Variants in SGCD observed in about 807,000 individuals in gnomAD.
SGCD encodes the protein delta-sarcoglycan.
In SGCD, 18 loss-of-function variants were observed where a neutral mutation model predicts 36.6. The observed-to-expected ratio is 0.49, with a 90% CI of 0.34 to 0.73. The LOEUF (loss-of-function observed/expected upper bound fraction) is 0.73, where lower values mean the gene tolerates loss of function less well. Among genes scored for constraint, SGCD ranks in the 30% least tolerant of loss-of-function variants. The probability of loss-of-function intolerance (pLI) is 0.01; values close to 1 mark genes in which losing one functional copy is unlikely to be tolerated. For missense variants in SGCD, 387 were observed against 346.7 expected, an observed-to-expected ratio of 1.12 and a Z score of -0.92; for synonymous variants, 133 against 130.6, an observed-to-expected ratio of 1.02 and a Z score of -0.12.
At chr5:156,626,668 A>T (rs1421693780) in intron 6 of SGCD, among the ~76,000 whole-genome samples, 1 of 152,180 alleles carries the variant, frequency 6.6e-6, no homozygotes, top group East Asian at 1.9e-4. Context: ...TTATAGTTGA[A>T]GTAGACTTCA....
At chr5:156,267,059 A>G (rs1475770170) in intron 3 of SGCD, among the ~76,000 whole-genome samples, 2 of 152,206 alleles carry the variant, frequency 1.3e-5, no homozygotes, top group Non-Finnish European at 2.9e-5. Flanking sequence ...CTGTCACTAT[A>G]TGTGCAACCT....
chr5:156,155,541 C>G (rs927345252), intron 3 of SGCD, among the ~76,000 whole-genome samples: 1 of 147,366 alleles, frequency 6.8e-6, no homozygotes, highest in Non-Finnish European at 1.5e-5. Context: ...CACAACCTTT[C>G]TTTTTAGTGG....
In SGCD at chr5:156,434,750, G is replaced by A. The variant is rs138905196; in HGVS notation, c.193-73851G>A. On this transcript the variant is annotated intron_variant, in intron 3 of 8. Transcript: ENST00000337851. The stretch of plus-strand genomic sequence containing the variant: ...CAGTGATTGGTCACAAACATGCACC[G>A]GTGAGCAGTAATGAAGTTGCTACCA... Among the ~76,000 whole-genome samples the A allele has an allele frequency of 1.1e-4, 16 of 152,256 alleles. No homozygotes were observed. The East Asian group carries it at 1.9e-3, about 18-fold the overall frequency.
chr5:156,219,504 A>T (rs1301468726), intron 3 of SGCD, among the ~76,000 whole-genome samples: 2 of 146,056 alleles, frequency 1.4e-5, no homozygotes, highest in African/African-American at 5.6e-5. Flanking sequence ...TCTGAATCTG[A>T]TATTTTTGCA....
chr5:155,880,023 T>C (rs761389648), intron 1 of SGCD, among the ~76,000 whole-genome samples: 8 of 152,184 alleles, frequency 5.3e-5, no homozygotes, highest in Non-Finnish European at 8.8e-5. Flanking sequence ...CATATTTGTC[T>C]AGTGACTAAA....
chr5:156,420,667 A>G (rs1345827260), intron 3 of SGCD, among the ~76,000 whole-genome samples: 1 of 152,086 alleles, frequency 6.6e-6, no homozygotes, highest in Non-Finnish European at 1.5e-5. Flanking sequence ...TGCTGAGATA[A>G]GATATCAATG....
At chr5:156,515,042 C>T (rs1271071186) in intron 4 of SGCD, among the ~76,000 whole-genome samples, 1 of 152,022 alleles carries the variant, frequency 6.6e-6, no homozygotes, top group African/African-American at 2.4e-5. Context: ...GTCTTGCAAC[C>T]TCTGCTTGGA....
intron 3 of SGCD, among the ~76,000 whole-genome samples, chr5:156,421,610 G>T (rs950095599): frequency 6.6e-6 from 1 of 151,942 alleles, no homozygotes; most frequent in African/African-American, 2.4e-5. Context: ...TTTCAGAGGG[G>T]GAGAATGGGT....
intron 7 of SGCD, among the ~76,000 whole-genome samples, chr5:156,720,388 C>G (rs1053584598): frequency 1.3e-5 from 2 of 152,094 alleles, no homozygotes; most frequent in Non-Finnish European, 2.9e-5. Context: ...TAAGCATACA[C>G]CTGAAGGGAC....
intron 1 of SGCD, among the ~76,000 whole-genome samples, chr5:155,903,606 T>A (rs1462370932): frequency 6.6e-6 from 1 of 152,176 alleles, no homozygotes; most frequent in Non-Finnish European, 1.5e-5. Context: ...CTGACTGGCA[T>A]GGACAACACA....
At chr5:156,486,223 T>C (rs1755651495) in intron 3 of SGCD, among the ~76,000 whole-genome samples, 1 of 151,878 alleles carries the variant, frequency 6.6e-6, no homozygotes, top group African/African-American at 2.4e-5. Flanking sequence ...TGGGTGGACA[T>C]GAGGAGCTAG....
chr5:156,439,061 C>T (rs927773687), intron 3 of SGCD, among the ~76,000 whole-genome samples: 1 of 152,038 alleles, frequency 6.6e-6, no homozygotes, highest in African/African-American at 2.4e-5. Flanking sequence ...CCACTCCAAA[C>T]CACTGGGCTC....
chr5:155,941,363 A>G (rs961321659), intron 1 of SGCD, among the ~76,000 whole-genome samples: 1 of 152,200 alleles, frequency 6.6e-6, no homozygotes, highest in African/African-American at 2.4e-5. Context: ...CCCAGTAAGT[A>G]GGCACATTTT....
intron 6 of SGCD, among the ~76,000 whole-genome samples, chr5:156,619,754 T>C (rs763140619): frequency 2.6e-5 from 4 of 152,170 alleles, no homozygotes; most frequent in Non-Finnish European, 5.9e-5. Flanking sequence ...GGGAAGGAAA[T>C]TAACTTTGTT....
chr5:155,902,439 C>G (rs1756411623), intron 1 of SGCD, among the ~76,000 whole-genome samples: 1 of 152,140 alleles, frequency 6.6e-6, no homozygotes, highest in African/African-American at 2.4e-5. Context: ...CAATTATGGT[C>G]ATCAACTACT....
At chr5:156,278,838 G>A (rs1320194524) in intron 3 of SGCD, among the ~76,000 whole-genome samples, 1 of 152,102 alleles carries the variant, frequency 6.6e-6, no homozygotes, top group East Asian at 1.9e-4. Context: ...TTTTGCATTT[G>A]GAAAAATGGC....
At chr5:156,031,239 C>G (rs1054690314) in intron 1 of SGCD, among the ~76,000 whole-genome samples, 2 of 152,214 alleles carry the variant, frequency 1.3e-5, no homozygotes, top group Admixed American at 6.5e-5. Flanking sequence ...GCATTTCTAA[C>G]AAGTTCTCAG....
chr5:156,612,775 CAGT>C (rs1761875214), intron 6 of SGCD, among the ~76,000 whole-genome samples: 1 of 152,196 alleles, frequency 6.6e-6, no homozygotes, highest in Non-Finnish European at 1.5e-5. Flanking sequence ...TGTACTCTAG[CAGT>C]TGATCCATTG....
intron 1 of SGCD, among the ~76,000 whole-genome samples, chr5:155,987,571 G>C (rs1758355410): frequency 6.6e-6 from 1 of 152,112 alleles, no homozygotes; most frequent in Admixed American, 6.5e-5. Flanking sequence ...CTTTGTTTTA[G>C]GATGAAGCCC....
Sources: gnomAD v4.1 joint callset for allele counts (sites outside exome capture counted in the v4.1 genomes callset) on GRCh38, gnomAD v4.1.1 for gene constraint, MANE v1.5 for transcripts, NCBI Gene and HGNC (gene_info 2026-07-23, HGNC 2026-07-21) for gene names.